Variants in ATP6V1E2 observed in about 807,000 individuals in gnomAD.
ATP6V1E2 encodes the protein V-type proton ATPase subunit E 2.
For synonymous variants in ATP6V1E2, 121 were observed against 104.2 expected (o/e 1.16, Z -0.98); for missense variants, 308 against 273.3 (o/e 1.13, Z -0.90).
Position 46,512,189 on chromosome 2 carries a change from C to A in ATP6V1E2, c.523G>T (p.Val175Leu), listed in dbSNP as rs1168560522. 6.2e-7 allele frequency: 1 copy of A among 1,614,218 alleles called. No individual in the cohort carries two copies. Among genetic ancestry groups the A allele is most frequent in the South Asian group, 1.1e-5 (1 of 91,074 alleles). Residue 175 changes from valine to leucine, a missense_variant, in exon 5 of 5, where the codon GTG (valine) becomes TTG (leucine). Val to Leu is a conservative substitution (Grantham distance 32, BLOSUM62 1). Transcript: ENST00000522587. ...ACCTCCACACCTCCAGCTGCATTCA[C>A]AGCCAGGTATGCCTCTTTATCAATC... is the stretch of plus-strand genomic sequence containing the variant. ...VQIDKEAYLA[V>L]NAAGGVEVYS...
chr2:46,532,944 G>C (rs530050946), intron 4 of ATP6V1E2, among the ~76,000 whole-genome samples: 1 of 152,002 alleles, frequency 6.6e-6, no homozygotes, highest in African/African-American at 2.4e-5. Flanking sequence ...TAAGAATATA[G>C]TTCTATTTCT....
chr2:46,525,171 T>C (rs1225978749), intron 4 of ATP6V1E2, among the ~76,000 whole-genome samples: 1 of 151,804 alleles, frequency 6.6e-6, no homozygotes, highest in Admixed American at 6.6e-5. Context: ...TGGGGTGAGG[T>C]TGTGAGAAAG....
Position 46,514,827 on chromosome 2 carries a change from C to T in ATP6V1E2, c.-101-2015G>A, listed in dbSNP as rs534254807. ...CTAACGGACTCCAACTAAGATAAAC[C>T]CAAAAAAGTCCTTATCAAGACACAT... On this transcript the variant is annotated intron_variant, in intron 4 of 4. Transcript: ENST00000522587. Among the ~76,000 whole-genome samples, 14 of 151,758 alleles carry T rather than the reference C, an allele frequency of 9.2e-5. 1 individual carries two copies. Among genetic ancestry groups the T allele is most frequent in the African/African-American group, 3.4e-4 (14 of 41,360 alleles).
chr2:46,536,910 G>A (rs1206049949), intron 2 of ATP6V1E2, among the ~76,000 whole-genome samples: 2 of 151,932 alleles, frequency 1.3e-5, no homozygotes, highest in African/African-American at 4.8e-5. Context: ...AGCCTCCCGA[G>A]TAGCTGGGAT....
At chr2:46,512,864 G>T (rs1239115696) in intron 4 of ATP6V1E2, 52 bp from the exon 5 acceptor site, 1 of 669,052 alleles carries the variant, frequency 1.5e-6, no homozygotes, top group African/African-American at 1.8e-5. Context: ...TATAGAGGAG[G>T]ATTACAGAGA....
In ATP6V1E2 at chr2:46,535,433, G is replaced by C. The variant is rs990412386; in HGVS notation, c.-102+380C>G. The C allele has an allele frequency of 6.6e-6, 1 of 152,214 alleles. No homozygotes were observed. Among genetic ancestry groups the C allele is most frequent in the Non-Finnish European group, 1.5e-5 (1 of 68,044 alleles). 9.4% of individuals were successfully genotyped at this position (152,214 alleles called of 1,614,324 possible). ...GAAATCTTAAAAGGATCACAGGCAG[G>C]TCACAGGATTTAGAAAGGCTAGAGA... is the stretch of plus-strand genomic sequence containing the variant. On this transcript the variant is annotated intron_variant, in intron 4 of 4. Transcript: ENST00000522587. The surrounding 1 kb of genome is among the most constrained non-coding windows in gnomAD (Gnocchi z 4.4).
At chr2:46,536,302 T>C (rs1278184434) in intron 3 of ATP6V1E2, among the ~76,000 whole-genome samples, 3 of 152,248 alleles carry the variant, frequency 2.0e-5, no homozygotes, top group Non-Finnish European at 4.4e-5. Context: ...CTACTGGATT[T>C]ATTTATCAGC....
intron 4 of ATP6V1E2, among the ~76,000 whole-genome samples, chr2:46,518,782 G>T (rs1666444495): frequency 2.8e-5 from 1 of 36,022 alleles, no homozygotes; most frequent in Non-Finnish European, 5.9e-5. Context: ...GTGTGTGTGT[G>T]TGTGTGTGTG....
At chr2:46,525,776 A>C (rs1253253726) in intron 4 of ATP6V1E2, among the ~76,000 whole-genome samples, 4 of 152,286 alleles carry the variant, frequency 2.6e-5, no homozygotes, top group Non-Finnish European at 5.9e-5. Flanking sequence ...TACATGAAGA[A>C]TTCACAACTG....
At chr2:46,514,301 G>GAA (rs1051992622) in intron 4 of ATP6V1E2, among the ~76,000 whole-genome samples, 1 of 151,322 alleles carries the variant, frequency 6.6e-6, no homozygotes, top group African/African-American at 2.4e-5. Context: ...TAAATAAAAA[G>GAA]AAAAAAGAAA....
chr2:46,518,486 ACACAACAC>A (rs1157031786), intron 4 of ATP6V1E2, among the ~76,000 whole-genome samples: 1 of 81,280 alleles, frequency 1.2e-5, no homozygotes, highest in Non-Finnish European at 2.4e-5. Context: ...ACACACACAC[ACACAACAC>A]ACACACACAC....
chr2:46,513,596 C>T (rs1385615795), intron 4 of ATP6V1E2, among the ~76,000 whole-genome samples: 9 of 151,778 alleles, frequency 5.9e-5, no homozygotes, highest in African/African-American at 1.2e-4. Flanking sequence ...GAGGTTGAGA[C>T]GGGTGGATCA....
chr2:46,532,636 T>C (rs1213641163), intron 4 of ATP6V1E2, among the ~76,000 whole-genome samples: 4 of 152,130 alleles, frequency 2.6e-5, no homozygotes, highest in Admixed American at 6.5e-5. Context: ...TTAAGAGTTT[T>C]TTGTTGTTTG....
chr2:46,541,853 C>CA (rs1667792091), intron 1 of ATP6V1E2: 1 of 152,394 alleles, frequency 6.6e-6, no homozygotes, highest in Non-Finnish European at 1.5e-5. Context: ...GGCCAAGTTT[C>CA]AGAGCACTAG....
At chr2:46,529,403 T>C (rs1043804644) in intron 4 of ATP6V1E2, among the ~76,000 whole-genome samples, 5 of 152,236 alleles carry the variant, frequency 3.3e-5, no homozygotes, top group African/African-American at 1.2e-4. Flanking sequence ...GGACTATTTC[T>C]GACCCACTCT....
At chr2:46,524,956 A>C (rs1192982988) in intron 4 of ATP6V1E2, among the ~76,000 whole-genome samples, 2 of 152,094 alleles carry the variant, frequency 1.3e-5, no homozygotes, top group African/African-American at 2.4e-5. Context: ...CCTTCGCCAA[A>C]CCTGGACTCA....
Position 46,512,111 on chromosome 2 carries a change from C to A in ATP6V1E2, c.601G>T (p.Asp201Tyr). The change falls in exon 5 of 5, where the codon GAT becomes TAT. Residue 201 changes from aspartate to tyrosine, a missense_variant. Coordinates refer to ENST00000522587, the MANE Select transcript of ATP6V1E2 (RefSeq NM_001318063.2). ...GGCATCTTTTGCTTGGCTGAGAGAT[C>A]CAGTCGGCTTTCCAAGGTATTTGAA... Reference protein sequence around the residue: ...KVSNTLESRLDLSAKQKMPEI... With the variant: ...KVSNTLESRLYLSAKQKMPEI... 6.2e-7 allele frequency: 1 copy of A among 1,614,112 alleles called. No homozygotes were observed. Among genetic ancestry groups the A allele is most frequent in the Non-Finnish European group, 8.5e-7 (1 of 1,180,014 alleles).
At chr2:46,536,768 T>C (rs1667463546) in intron 2 of ATP6V1E2, 65 bp from the exon 3 acceptor site, 1 of 152,218 alleles carries the variant, frequency 6.6e-6, no homozygotes, top group South Asian at 2.1e-4. Flanking sequence ...CTCTTAACAT[T>C]TGCCTCTCTC....
At chr2:46,541,967 T>C (rs1183292363) in intron 1 of ATP6V1E2, 1 of 152,226 alleles carries the variant, frequency 6.6e-6, no homozygotes, top group Non-Finnish European at 1.5e-5. Context: ...CCAGGTACAT[T>C]TGCCGGGTCC....
Sources: allele counts gnomAD v4.1 joint callset (sites outside exome capture counted in the v4.1 genomes callset), GRCh38; gene constraint gnomAD v4.1.1; non-coding constraint Gnocchi (gnomAD v3.1); transcripts MANE v1.5; gene names NCBI Gene and HGNC (gene_info 2026-07-23, HGNC 2026-07-21).